ELP4: variants seen among roughly 807,000 people sequenced by gnomAD.
ELP4 encodes the protein elongator complex protein 4.
A neutral mutation model predicts 48.9 loss-of-function variants in ELP4; 51 were observed. The observed-to-expected ratio is 1.04, with a 90% confidence interval of 0.83 to 1.32. The LOEUF (loss-of-function observed/expected upper bound fraction) is 1.32, where lower values mean the gene tolerates loss of function less well. Ranked by LOEUF, ELP4 falls within the 40% of genes most tolerant of loss-of-function variation. The pLI is 0.00. For missense variants in ELP4, 519 were observed against 514.6 expected (o/e 1.01, Z -0.08); for synonymous variants, 210 against 189.2 (o/e 1.11, Z -0.90).
At chr11:31,535,552 T>G (rs1054267681) in intron 2 of ELP4, among the ~76,000 whole-genome samples, 1 of 152,128 alleles carries the variant, frequency 6.6e-6, no homozygotes, top group African/African-American at 2.4e-5. Flanking sequence ...ACTGTATTGC[T>G]CAGGCTTGTC....
chr11:31,649,888 A>G lies in ELP4; in HGVS notation c.1037-227A>G, dbSNP rs560951609. 21 of 367,390 alleles carry G rather than the reference A, an allele frequency of 5.7e-5. No homozygotes were observed. The East Asian group carries it at 8.2e-4, about 14-fold the overall frequency. 22.8% of individuals were successfully genotyped at this position (367,390 alleles called of 1,614,324 possible). A position where few individuals can be genotyped will look rare whatever the true frequency, so the allele number is the denominator to read the frequency against. On this transcript the variant is annotated intron_variant, in intron 8 of 9. Coordinates refer to ENST00000640961, the MANE Select transcript of ELP4 (RefSeq NM_019040.5). ...CTCTTTACATCTGTACTTCTGTACC[A>G]AAGTGCAATTAGTTTTCCTCGCACA...
chr11:31,647,814 A>G lies in ELP4; in HGVS notation c.1001A>G (p.Glu334Gly), dbSNP rs1397624696. The G allele has an allele frequency of 1.9e-6, 3 of 1,607,300 alleles. No homozygotes were observed. The South Asian group carries it at 3.3e-5, about 18-fold the overall frequency. ...GGTCTGGAATCATTTATTGGTTCTG[A>G]GAGAGAAACTAACCCATTGTATAAG... is the stretch of plus-strand genomic sequence containing the variant. ...VVGLESFIGSERETNPLYKDY... is the reference protein window; with the variant it reads ...VVGLESFIGSGRETNPLYKDY... The change falls in exon 8 of 10, where the codon GAG becomes GGG. Residue 334 changes from glutamate to glycine, a missense_variant. Physicochemically the swap from Glu to Gly is moderately conservative, Grantham distance 98. Coordinates refer to ENST00000640961, the MANE Select transcript of ELP4 (RefSeq NM_019040.5).
chr11:31,511,946 T>C (rs1956017439), intron 1 of ELP4: 1 of 152,250 alleles, frequency 6.6e-6, no homozygotes, highest in African/African-American at 2.4e-5. Flanking sequence ...TTGAATACTT[T>C]GAAATATATT....
chr11:31,669,020 T>C (rs1945746059), intron 9 of ELP4, among the ~76,000 whole-genome samples: 1 of 152,056 alleles, frequency 6.6e-6, no homozygotes, highest in Non-Finnish European at 1.5e-5. Context: ...CTTGCAGCTT[T>C]ACTCTCACTT....
At chr11:31,545,809 AAG>A (rs1956698078) in intron 3 of ELP4, among the ~76,000 whole-genome samples, 1 of 152,166 alleles carries the variant, frequency 6.6e-6, no homozygotes, top group African/African-American at 2.4e-5. Context: ...TACAAGCCAG[AAG>A]AGAGTGGGGG....
chr11:31,589,173 C>T (rs1254614029), intron 3 of ELP4, among the ~76,000 whole-genome samples: 5 of 152,080 alleles, frequency 3.3e-5, no homozygotes, highest in Non-Finnish European at 7.4e-5. Context: ...TAAGATTGTT[C>T]CAGGAAGTTT....
chr11:31,694,989 T>G (rs1305771531), intron 9 of ELP4, among the ~76,000 whole-genome samples: 2 of 152,302 alleles, frequency 1.3e-5, no homozygotes, highest in Admixed American at 6.5e-5. Flanking sequence ...ATGCTTGTGA[T>G]TTTTGCACAT....
chr11:31,651,662 A>T (rs1272592724), intron 9 of ELP4: 1 of 151,426 alleles, frequency 6.6e-6, no homozygotes. Context: ...GGAAAGCATG[A>T]TTATCGTTTT....
At chr11:31,737,635 C>G (rs577835520) in intron 9 of ELP4, among the ~76,000 whole-genome samples, 1 of 152,098 alleles carries the variant, frequency 6.6e-6, no homozygotes, top group South Asian at 2.1e-4. Flanking sequence ...TGAATAACAA[C>G]AAACAGATAA....
chr11:31,539,513 A>G, intron 2 of ELP4, 149 bp from the exon 3 acceptor site: 1 of 633,422 alleles, frequency 1.6e-6, no homozygotes, highest in Non-Finnish European at 2.5e-6. Flanking sequence ...CTATCTATCT[A>G]TGCCTCAGGA....
chr11:31,543,868 A>C (rs1411870010), intron 3 of ELP4, among the ~76,000 whole-genome samples: 1 of 152,172 alleles, frequency 6.6e-6, no homozygotes, highest in Non-Finnish European at 1.5e-5. Context: ...ACAATTTAAA[A>C]AGGTGGTTTT....
At chr11:31,678,419 C>G (rs764297121) in intron 9 of ELP4, among the ~76,000 whole-genome samples, 4 of 151,914 alleles carry the variant, frequency 2.6e-5, no homozygotes, top group Non-Finnish European at 5.9e-5. Flanking sequence ...CCACTGCACT[C>G]CAGCCTAGGT....
chr11:31,660,047 G>A (rs1273261616), intron 9 of ELP4, among the ~76,000 whole-genome samples: 1 of 152,052 alleles, frequency 6.6e-6, no homozygotes, highest in African/African-American at 2.4e-5. Context: ...GCTATTAAAA[G>A]CAAAGTTGTA....
chr11:31,543,400 A>G (rs1402685524), intron 3 of ELP4, among the ~76,000 whole-genome samples: 2 of 151,980 alleles, frequency 1.3e-5, no homozygotes, highest in African/African-American at 4.8e-5. Flanking sequence ...GCCCACTGCA[A>G]GCTCCGCCTC....
intron 9 of ELP4, among the ~76,000 whole-genome samples, chr11:31,665,655 C>CTT (rs71060496): frequency 5.4e-3 from 432 of 79,596 alleles, no homozygotes; most frequent in African/African-American, 7.9e-3. Context: ...GTCTCTCTTC[C>CTT]TTTTTTTTTT....
chr11:31,548,575 G>C (rs1053430429), intron 3 of ELP4, among the ~76,000 whole-genome samples: 1 of 152,204 alleles, frequency 6.6e-6, no homozygotes, highest in African/African-American at 2.4e-5. Context: ...GTAATTTATA[G>C]ATTCAGTGCC....
At chr11:31,548,519 A>T (rs937369955) in intron 3 of ELP4, among the ~76,000 whole-genome samples, 1 of 152,226 alleles carries the variant, frequency 6.6e-6, no homozygotes, top group Non-Finnish European at 1.5e-5. Flanking sequence ...TTCCATGCTC[A>T]TGGGTAGGAA....
At chr11:31,687,920 A>G (rs1946196314) in intron 9 of ELP4, among the ~76,000 whole-genome samples, 1 of 152,210 alleles carries the variant, frequency 6.6e-6, no homozygotes, top group Non-Finnish European at 1.5e-5. Context: ...TGTGATTTCC[A>G]TGAATGCACA....
At chr11:31,547,547 T>C (rs1009844593) in intron 3 of ELP4, among the ~76,000 whole-genome samples, 17 of 152,178 alleles carry the variant, frequency 1.1e-4, no homozygotes, top group Non-Finnish European at 1.6e-4. Flanking sequence ...AGCCGAATTC[T>C]ACCAGAGGTA....
Sources: allele counts gnomAD v4.1 joint callset (sites outside exome capture counted in the v4.1 genomes callset), GRCh38; gene constraint gnomAD v4.1.1; transcripts MANE v1.5; gene names NCBI Gene and HGNC (gene_info 2026-07-23, HGNC 2026-07-21).